PREX2: variants seen among roughly 807,000 people sequenced by gnomAD.
PREX2 encodes the protein phosphatidylinositol-3,4,5-trisphosphate dependent Rac exchange factor 2, also known as phosphatidylinositol 3,4,5-trisphosphate-dependent Rac exchanger 2 protein.
Under a neutral mutation model 203.2 loss-of-function variants are expected in PREX2, and 107 were observed. That is an observed-to-expected ratio of 0.53 (90% CI 0.45 to 0.62). The LOEUF (loss-of-function observed/expected upper bound fraction) is 0.62. Among genes scored for constraint, PREX2 ranks in the 20% least tolerant of loss-of-function variants. The pLI is 0.00. For missense variants in PREX2, 1,777 were observed against 1,955.9 expected (o/e 0.91, Z 1.72); for synonymous variants, 672 against 663.6 (o/e 1.01, Z -0.19).
At chr8:68,080,230 C>T (rs1416849519) in intron 15 of PREX2, among the ~76,000 whole-genome samples, 1 of 151,760 alleles carries the variant, frequency 6.6e-6, no homozygotes, top group East Asian at 1.9e-4. Flanking sequence ...AATTCAAAAT[C>T]CTGTGGGTAA....
intron 20 of PREX2, 50 bp from the exon 21 acceptor site, chr8:68,093,555 T>C (rs1809958892): frequency 1.2e-6 from 1 of 842,420 alleles, no homozygotes; most frequent in Admixed American, 2.2e-5. Flanking sequence ...TGGGCATGTA[T>C]TTTAGGAAGC....
chr8:68,171,349 A>G (rs971920787), intron 35 of PREX2, among the ~76,000 whole-genome samples: 1 of 152,212 alleles, frequency 6.6e-6, no homozygotes, highest in South Asian at 2.1e-4. Context: ...GAAGTGCTAC[A>G]CAAATACTAA....
chr8:68,093,390 C>CAAAA (rs56001927), intron 20 of PREX2, among the ~76,000 whole-genome samples: 162 of 80,528 alleles, frequency 2.0e-3, no homozygotes, highest in Non-Finnish European at 2.3e-3. Flanking sequence ...AACTCCATCT[C>CAAAA]AAAAAAAAAA....
At chr8:68,068,130 A>G (rs1219503880) in intron 11 of PREX2, among the ~76,000 whole-genome samples, 1 of 151,898 alleles carries the variant, frequency 6.6e-6, no homozygotes, top group Non-Finnish European at 1.5e-5. Context: ...TTTGTTTAGG[A>G]TTTTGGCATC....
intron 1 of PREX2, among the ~76,000 whole-genome samples, chr8:67,964,487 A>G (rs951793892): frequency 2.6e-5 from 4 of 152,212 alleles, no homozygotes; most frequent in African/African-American, 4.8e-5. Flanking sequence ...CCTTTACTGT[A>G]AGAACCTATT....
At chr8:68,061,186 C>T (rs529863270) in intron 11 of PREX2, among the ~76,000 whole-genome samples, 46 of 152,294 alleles carry the variant, frequency 3.0e-4, no homozygotes, top group South Asian at 2.9e-3. Context: ...AACAGCACTC[C>T]GGCACGGTGG....
intron 23 of PREX2, chr8:68,102,731 T>C (rs1810298516): frequency 4.6e-6 from 2 of 433,496 alleles, no homozygotes; most frequent in Non-Finnish European, 9.1e-6. Flanking sequence ...CTGAAAGTTT[T>C]AGGTTTTAAA....
chr8:68,018,036 C>A, intron 2 of PREX2, 119 bp downstream of exon 2: 1 of 726,294 alleles, frequency 1.4e-6, no homozygotes, highest in Non-Finnish European at 2.5e-6. Context: ...AGTTGCTGTT[C>A]CAGTCAGTTG....
chr8:68,229,101 C>A (rs766957557), intron 39 of PREX2, among the ~76,000 whole-genome samples: 1 of 152,054 alleles, frequency 6.6e-6, no homozygotes, highest in Non-Finnish European at 1.5e-5. Context: ...TTGAAAGAGG[C>A]GTTTACTTTG....
chr8:68,232,253 T>C lies in PREX2; in HGVS notation c.*875T>C, dbSNP rs969318430. On this transcript the variant is annotated 3_prime_UTR_variant, in exon 40 of 40. Coordinates refer to ENST00000288368, the MANE Select transcript of PREX2 (RefSeq NM_024870.4). ...AAGTTAGATACCTAAAACTCTTAAT[T>C]TTATGAAGGCTCTCATATGAGAGGT... The C allele has an allele frequency of 4.6e-5, 7 of 152,158 alleles. No individual in the cohort carries two copies. The highest frequency in any genetic ancestry group is 2.9e-5 in the Non-Finnish European group (2 of 68,024). 9.4% of individuals were successfully genotyped at this position (152,158 alleles called of 1,614,324 possible).
rs778646509 is a variant in PREX2, at chr8:68,134,055, A to C, written c.3767-4A>C. ...AGCATTCTCTATGTTCTCTTTGATC[A>C]CAGATAGTGAGACACAGCTCCGTAG... On this transcript the variant is annotated splice_polypyrimidine_tract_variant and splice_region_variant and intron_variant, in intron 31 of 39. Transcript: ENST00000288368. 6.2e-7 allele frequency: 1 copy of C among 1,612,448 alleles called. No homozygotes were observed. The highest frequency in any genetic ancestry group is 1.7e-5 in the Admixed American group (1 of 59,948).
chr8:68,140,279 T>C (rs1281240546), intron 33 of PREX2, among the ~76,000 whole-genome samples: 3 of 152,236 alleles, frequency 2.0e-5, no homozygotes, highest in Non-Finnish European at 2.9e-5. Context: ...TACATTTTAA[T>C]GTGTCTCTTC....
intron 8 of PREX2, among the ~76,000 whole-genome samples, chr8:68,047,619 T>G (rs1318908157): frequency 6.6e-6 from 1 of 150,886 alleles, no homozygotes; most frequent in Non-Finnish European, 1.5e-5. Context: ...AGGCTGGACT[T>G]GAACCCATGA....
intron 21 of PREX2, 83 bp from the exon 22 acceptor site, chr8:68,096,934 A>G (rs1431437858): frequency 8.6e-7 from 1 of 1,160,088 alleles, no homozygotes; most frequent in Non-Finnish European, 1.3e-6. Context: ...CTCTTTAAAA[A>G]TTATTTAAAG....
intron 21 of PREX2, among the ~76,000 whole-genome samples, chr8:68,093,949 A>G (rs1368542712): frequency 6.6e-6 from 1 of 152,224 alleles, no homozygotes; most frequent in African/African-American, 2.4e-5. Context: ...CTTAGTCATC[A>G]AAAAAGAAAA....
At chr8:68,012,090 A>G (rs958076228) in intron 1 of PREX2, among the ~76,000 whole-genome samples, 9 of 152,130 alleles carry the variant, frequency 5.9e-5, no homozygotes, top group African/African-American at 2.2e-4. Flanking sequence ...AATATCTTCA[A>G]AACTCTGTGC....
chr8:68,168,909 CT>C (rs60305267), intron 35 of PREX2, among the ~76,000 whole-genome samples: 33 of 149,226 alleles, frequency 2.2e-4, no homozygotes, highest in Middle Eastern at 3.4e-3. Context: ...CAGAAGATGA[CT>C]TTTTTTTTTT....
chr8:68,041,793 T>G (rs1030614274), intron 7 of PREX2, among the ~76,000 whole-genome samples: 1 of 152,196 alleles, frequency 6.6e-6, no homozygotes, highest in Non-Finnish European at 1.5e-5. Context: ...AAATCTTTTT[T>G]CATTAAAATT....
At chr8:68,051,830 A>G (rs1177827995) in intron 8 of PREX2, among the ~76,000 whole-genome samples, 1 of 152,132 alleles carries the variant, frequency 6.6e-6, no homozygotes, top group Non-Finnish European at 1.5e-5. Context: ...TTGATTATTC[A>G]TGGATTATGG....
Sources: gnomAD v4.1 joint callset for allele counts (sites outside exome capture counted in the v4.1 genomes callset) on GRCh38, gnomAD v4.1.1 for gene constraint, MANE v1.5 for transcripts, NCBI Gene and HGNC (gene_info 2026-07-23, HGNC 2026-07-21) for gene names.